The following SLC30A9 variants were observed in gnomAD, a reference collection of about 807,000 sequenced individuals.
SLC30A9 encodes solute carrier family 30 member 9.
SLC30A9 carries 58 observed loss-of-function variants against 87.5 expected under a neutral mutation model. The ratio of observed to expected loss-of-function variants is 0.66; its 90% CI spans 0.54 to 0.82. The LOEUF (loss-of-function observed/expected upper bound fraction) is 0.82, where lower values mean the gene tolerates loss of function less well. Ranked by LOEUF, SLC30A9 falls within the 40% of genes least tolerant of loss-of-function variation. The probability of loss-of-function intolerance (pLI) is 0.00; values close to 1 mark genes in which losing one functional copy is unlikely to be tolerated. For synonymous variants in SLC30A9, 234 were observed against 233.0 expected, an observed-to-expected ratio of 1.00 and a Z score of -0.04; for missense variants, 557 against 679.1, an observed-to-expected ratio of 0.82 and a Z score of 2.00.
intron 2 of SLC30A9, among the ~76,000 whole-genome samples, chr4:42,010,224 A>G (rs1679223262): frequency 6.6e-6 from 1 of 152,166 alleles, no homozygotes; most frequent in Non-Finnish European, 1.5e-5. Context: ...CCTGTAATCT[A>G]GCACTTTGGG....
chr4:42,037,667 TATATAAAA>T (rs1714565100), intron 7 of SLC30A9, among the ~76,000 whole-genome samples: 1 of 152,204 alleles, frequency 6.6e-6, no homozygotes, highest in African/African-American at 2.4e-5. Context: ...TTCTCAAAGA[TATATAAAA>T]ATAGAAAAAT....
At chr4:41,996,392 C>A (rs373077858) in intron 1 of SLC30A9, among the ~76,000 whole-genome samples, 191 of 152,020 alleles carry the variant, frequency 1.3e-3, no homozygotes, top group African/African-American at 4.3e-3. Flanking sequence ...TGCACCTGGC[C>A]GAAATTTGAG....
intron 6 of SLC30A9, among the ~76,000 whole-genome samples, chr4:42,026,731 A>G (rs1302405480): frequency 1.6e-5 from 2 of 126,794 alleles, no homozygotes; most frequent in Non-Finnish European, 3.5e-5. Context: ...TTTTCTTTTC[A>G]TCTTCTCTTT....
rs377623838 is a variant in SLC30A9, at chr4:42,023,298, A to G, written c.528-4A>G. On this transcript the variant is annotated splice_region_variant and splice_polypyrimidine_tract_variant and intron_variant, in intron 5 of 17. Transcript: ENST00000264451. ...CATTGTGGTGACCATGTGTGTATGC[A>G]CAGATCTTTGGAAGTTTGGGGAAGC... 5.0e-6 allele frequency: 8 copies of G among 1,609,068 alleles called. No individual in the cohort carries two copies. In the African/African-American group the frequency reaches 1.1e-4, roughly 21 times the overall value.
intron 2 of SLC30A9, among the ~76,000 whole-genome samples, chr4:42,011,211 G>C (rs1715428322): frequency 6.6e-6 from 1 of 152,208 alleles, no homozygotes; most frequent in African/African-American, 2.4e-5. Flanking sequence ...TCTTCACAGG[G>C]TGGCAGGAGA....
chr4:41,994,827 CAAA>C (rs539190933), intron 1 of SLC30A9, among the ~76,000 whole-genome samples: 15 of 94,720 alleles, frequency 1.6e-4, no homozygotes, highest in South Asian at 3.6e-4. Flanking sequence ...GATGTGGTCT[CAAA>C]AAAAAAAAAA....
intron 14 of SLC30A9, among the ~76,000 whole-genome samples, chr4:42,068,404 C>T (rs372207467): frequency 2.0e-5 from 3 of 152,012 alleles, no homozygotes; most frequent in African/African-American, 7.2e-5. Context: ...CCACCACGCC[C>T]GGCTAGTTTT....
Position 42,090,396 on chromosome 4 carries a change from G to T in SLC30A9, c.*4270G>T, listed in dbSNP as rs1437003077. ...CTGTCTGATTTCCCTGGCACATTAA[G>T]ATGGTCCTGGTCCCTCAGGATACTT... On this transcript the variant is annotated 3_prime_UTR_variant, in exon 18 of 18. Transcript: ENST00000264451. The T allele has an allele frequency of 6.6e-6, 1 of 152,158 alleles. No individual in the cohort carries two copies. Among genetic ancestry groups the T allele is most frequent in the Non-Finnish European group, 1.5e-5 (1 of 68,022 alleles). The allele number at this position is 152,158 out of a possible 1,614,324, so 9.4% of individuals were successfully genotyped here. A position where few individuals can be genotyped will look rare whatever the true frequency, so the allele number is the denominator to read the frequency against.
intron 10 of SLC30A9, among the ~76,000 whole-genome samples, chr4:42,060,558 ATATTCTAGATT>A (rs1218136836): frequency 6.6e-6 from 1 of 152,196 alleles, no homozygotes; most frequent in East Asian, 1.9e-4. Context: ...AAGGAAACAT[ATATTCTAGATT>A]TAGACTCATA....
intron 15 of SLC30A9, among the ~76,000 whole-genome samples, chr4:42,072,548 G>A (rs4438791): frequency 0.6 from 91,527 of 151,820 alleles, 32,941 homozygotes; most frequent in East Asian, 0.96. Context: ...ACGTATTTGT[G>A]AGTTGCACAG....
chr4:42,067,849 C>T (rs976882312), intron 14 of SLC30A9, among the ~76,000 whole-genome samples: 2 of 152,300 alleles, frequency 1.3e-5, no homozygotes, highest in East Asian at 3.9e-4. Flanking sequence ...GGATGGCATC[C>T]TGGCCAGGTC....
At position 42,066,580 on chromosome 4, in the gene SLC30A9, G is replaced by A. The variant is rs1280651892; in HGVS notation, c.1103G>A (p.Arg368His). The part of the protein sequence containing the change: ...ATLLVAVNEL[R>H]RNARAKGMSF... ...CTTCTTGTTGCTGTAAATGAACTTC[G>A]TAGGAATGCTCGGGCTAAAGGAATG... The change falls in exon 13 of 18, where the codon CGT becomes CAT. Residue 368 changes from arginine to histidine, a missense_variant. By Grantham distance (29) the Arg-to-His change is conservative. This residue lies in a region of SLC30A9 where 467 missense variants were observed against 529.8 expected (regional missense o/e 0.88). Coordinates refer to ENST00000264451, the MANE Select transcript of SLC30A9 (RefSeq NM_006345.4). 8.7e-6 allele frequency: 14 copies of A among 1,605,252 alleles called. No homozygotes were observed. In the Admixed American group the frequency reaches 1.2e-4, roughly 14 times the overall value.
At position 42,055,269 on chromosome 4, in the gene SLC30A9, A is replaced by T. The variant is rs187877779; in HGVS notation, c.841-4922A>T. Among the ~76,000 whole-genome samples, 265 of 152,338 alleles carry T rather than the reference A, an allele frequency of 1.7e-3. 1 individual carries two copies. Among genetic ancestry groups the T allele is most frequent in the Non-Finnish European group, 1.5e-3 (105 of 68,020 alleles). ...TTTCGAGACCTATAATATTTTTAAAATTTTAATTCATTGTAATATTTTTAT... is the reference window on the plus strand; with the variant it reads ...TTTCGAGACCTATAATATTTTTAAATTTTTAATTCATTGTAATATTTTTAT... On this transcript the variant is annotated intron_variant, in intron 9 of 17. Transcript: ENST00000264451.
intron 8 of SLC30A9, among the ~76,000 whole-genome samples, chr4:42,044,978 A>T (rs1717085164): frequency 6.6e-6 from 1 of 152,214 alleles, no homozygotes; most frequent in South Asian, 2.1e-4. Flanking sequence ...AAATAACTAA[A>T]TTAAGGCAGA....
At position 42,037,454 on chromosome 4, in the gene SLC30A9, A is replaced by G. The variant is rs1183473007; in HGVS notation, c.670-1532A>G. ...ATGCCTTCCCTTCTATTTCTAATTC[A>G]TGGGTTTCTTGATATAGTACTTCAG... On this transcript the variant is annotated intron_variant, in intron 7 of 17. Coordinates refer to ENST00000264451, the MANE Select transcript of SLC30A9 (RefSeq NM_006345.4). Among the ~76,000 whole-genome samples, 4 of 151,618 alleles carry G rather than the reference A, an allele frequency of 2.6e-5. No individual in the cohort carries two copies. The East Asian group carries it at 5.8e-4, about 22-fold the overall frequency.
At position 41,990,673 on chromosome 4, in the gene SLC30A9, G is replaced by C. The variant is rs573770304; in HGVS notation, c.22G>C (p.Ala8Pro). 1 of 1,607,244 alleles carries C rather than the reference G, an allele frequency of 6.2e-7. No homozygotes were observed. Among genetic ancestry groups the C allele is most frequent in the East Asian group, 2.2e-5 (1 of 44,646 alleles). Reference sequence around the variant, plus strand: ...CAGGATGTTACCCGGCTTGGCCGCCGCCGCGGCCCACAGATGTAGCTGGTC... The same window carrying C: ...CAGGATGTTACCCGGCTTGGCCGCCCCCGCGGCCCACAGATGTAGCTGGTC... MLPGLAA[A>P]AAHRCSWSSL... The change falls in exon 1 of 18, where the codon GCC (alanine) becomes CCC (proline). Residue 8 changes from alanine to proline, a missense_variant. Physicochemically the swap from Ala to Pro is conservative, Grantham distance 27. This residue lies in a region of SLC30A9 where 467 missense variants were observed against 529.8 expected (regional missense o/e 0.88). Coordinates refer to ENST00000264451, the MANE Select transcript of SLC30A9 (RefSeq NM_006345.4).
At chr4:42,024,374 A>C (rs903439229) in intron 6 of SLC30A9, among the ~76,000 whole-genome samples, 1 of 152,208 alleles carries the variant, frequency 6.6e-6, no homozygotes, top group African/African-American at 2.4e-5. Context: ...CTCTTTATAG[A>C]TAGTGGTATA....
chr4:42,024,262 T>G (rs2153135796), intron 6 of SLC30A9, among the ~76,000 whole-genome samples: 1 of 152,264 alleles, frequency 6.6e-6, no homozygotes, highest in East Asian at 1.9e-4. Context: ...TCCCAGCTAC[T>G]CAGGAGGCTG....
intron 17 of SLC30A9, among the ~76,000 whole-genome samples, chr4:42,079,371 G>A (rs1334076582): frequency 3.3e-5 from 5 of 150,404 alleles, no homozygotes; most frequent in Non-Finnish European, 7.4e-5. Context: ...TGGGCTCACT[G>A]TAACCTCCGT....
Sources: allele counts gnomAD v4.1 joint callset (sites outside exome capture counted in the v4.1 genomes callset), GRCh38; gene constraint gnomAD v4.1.1; regional missense constraint gnomAD v4.1.1; transcripts MANE v1.5; gene names NCBI Gene and HGNC (gene_info 2026-07-23, HGNC 2026-07-21).